The following RAMP3 variants were observed in gnomAD, a reference collection of about 807,000 sequenced individuals.
RAMP3 encodes receptor activity modifying protein 3.
Under a neutral mutation model 13.5 loss-of-function variants are expected in RAMP3, and 14 were observed. The observed-to-expected ratio is 1.04, with a 90% CI of 0.69 to 1.63. The LOEUF (loss-of-function observed/expected upper bound fraction) is 1.63. Ranked by LOEUF, RAMP3 falls within the 40% of genes most tolerant of loss-of-function variation. The probability of loss-of-function intolerance (pLI) is 0.00; values close to 1 mark genes in which losing one functional copy is unlikely to be tolerated. For synonymous variants in RAMP3, 106 were observed against 88.3 expected, an observed-to-expected ratio of 1.20 and a Z score of -1.12; for missense variants, 200 against 204.8, an observed-to-expected ratio of 0.98 and a Z score of 0.14.
intron 2 of RAMP3, among the ~76,000 whole-genome samples, chr7:45,178,262 G>T (rs1453201503): frequency 1.3e-5 from 2 of 152,138 alleles, no homozygotes; most frequent in Admixed American, 6.5e-5. Flanking sequence ...AGGTCCCCTT[G>T]TTCTAGAAGC....
rs570669410 is a variant in RAMP3, at chr7:45,166,426, C to T, written c.58+8540C>T. Among the ~76,000 whole-genome samples the T allele has an allele frequency of 1.8e-4, 28 of 152,242 alleles. No individual in the cohort carries two copies. The South Asian group carries it at 5.8e-3, about 32-fold the overall frequency. On this transcript the variant is annotated intron_variant, in intron 1 of 2. Transcript: ENST00000242249. ...CCTGATGGTTAATGATGTTGATTGTCTTTCATGTGCTTATTGATCATTTAT... is the reference window on the plus strand; with the variant it reads ...CCTGATGGTTAATGATGTTGATTGTTTTTCATGTGCTTATTGATCATTTAT...
At chr7:45,178,253 G>A (rs1584076807) in intron 2 of RAMP3, among the ~76,000 whole-genome samples, 1 of 152,136 alleles carries the variant, frequency 6.6e-6, no homozygotes, top group African/African-American at 2.4e-5. Context: ...AGTGAAGGGA[G>A]GTCCCCTTGT....
intron 2 of RAMP3, 69 bp from the exon 3 acceptor site, chr7:45,183,088 G>T (rs1463592796): frequency 3.2e-6 from 5 of 1,581,486 alleles, no homozygotes; most frequent in Non-Finnish European, 4.3e-6. Context: ...CCATCTTCCT[G>T]GCCTCAGGTC....
chr7:45,163,100 G>A (rs755352879), intron 1 of RAMP3: 191 of 931,042 alleles, frequency 2.1e-4, no homozygotes, highest in Non-Finnish European at 2.2e-4. Context: ...ATCACTTGGA[G>A]GTTTTAACAA....
chr7:45,163,219 G>A (rs1284750809), intron 1 of RAMP3: 2 of 985,306 alleles, frequency 2.0e-6, no homozygotes, highest in Non-Finnish European at 2.4e-6. Context: ...CCTATCTCTG[G>A]TGGCTGCCCT....
At position 45,183,177 on chromosome 7, in the gene RAMP3, A is replaced by T; in HGVS notation, c.212A>T (p.Asn71Ile). Residue 71 changes from asparagine (N) to isoleucine (I), a missense_variant, in exon 3 of 3, where the codon AAC becomes ATC. Physicochemically the swap from Asn to Ile is moderately radical, Grantham distance 149. Coordinates refer to ENST00000242249, the MANE Select transcript of RAMP3 (RefSeq NM_005856.3). ...TGCAGGTACTATGAGAGTTTCACCA[A>T]CTGCACCGAGATGGAGGCCAATGTC... ...EFIVYYESFT[N>I]CTEMEANVVG... The T allele has an allele frequency of 6.2e-7, 1 of 1,611,674 alleles. No individual in the cohort carries two copies. Among genetic ancestry groups the T allele is most frequent in the Non-Finnish European group, 8.5e-7 (1 of 1,179,794 alleles).
In RAMP3 at chr7:45,183,795, T is replaced by C. The variant is rs1053701789; in HGVS notation, c.*383T>C. The C allele has an allele frequency of 1.2e-5, 6 of 515,300 alleles. No individual in the cohort carries two copies. Among genetic ancestry groups the C allele is most frequent in the African/African-American group, 1.1e-4 (6 of 52,964 alleles). 31.9% of individuals were successfully genotyped at this position (515,300 alleles called of 1,614,324 possible). On this transcript the variant is annotated 3_prime_UTR_variant, in exon 3 of 3. Coordinates refer to ENST00000242249, the MANE Select transcript of RAMP3 (RefSeq NM_005856.3). The stretch of plus-strand genomic sequence containing the variant: ...CTAGCCTTAGCCGCAGTCTAGGCCC[T>C]GCTTGGACTAGGACTCCTTGCTTGA...
chr7:45,166,515 T>C (rs1785964759), intron 1 of RAMP3, among the ~76,000 whole-genome samples: 1 of 152,220 alleles, frequency 6.6e-6, no homozygotes, highest in Admixed American at 6.5e-5. Context: ...TATTTTTCCC[T>C]TTATTATGGA....
intron 1 of RAMP3, among the ~76,000 whole-genome samples, chr7:45,176,842 C>A (rs1294943): frequency 6.6e-6 from 1 of 151,976 alleles, no homozygotes; most frequent in African/African-American, 2.4e-5. Flanking sequence ...GGTCTTTGAC[C>A]GGGAGGGGTT....
chr7:45,172,836 G>T (rs1452718983), intron 1 of RAMP3, among the ~76,000 whole-genome samples: 1 of 152,176 alleles, frequency 6.6e-6, no homozygotes, highest in Non-Finnish European at 1.5e-5. Context: ...GCCTGTCCAT[G>T]ATGATCAGTT....
chr7:45,159,467 T>C (rs1785823670), intron 1 of RAMP3, among the ~76,000 whole-genome samples: 2 of 152,196 alleles, frequency 1.3e-5, no homozygotes. Flanking sequence ...CTCTGGGGCT[T>C]CTTTGAGAAT....
At chr7:45,168,228 C>T (rs905558778) in intron 1 of RAMP3, among the ~76,000 whole-genome samples, 1 of 151,758 alleles carries the variant, frequency 6.6e-6, no homozygotes. Flanking sequence ...TGGTGAAACC[C>T]CGTCTCTACT....
At chr7:45,176,121 T>C (rs1362262524) in intron 1 of RAMP3, among the ~76,000 whole-genome samples, 1 of 152,126 alleles carries the variant, frequency 6.6e-6, no homozygotes. Flanking sequence ...CAGACTAAGT[T>C]AGCCAGCTCA....
At chr7:45,163,359 T>A (rs1269105644) in intron 1 of RAMP3, 2 of 985,284 alleles carry the variant, frequency 2.0e-6, no homozygotes, top group Non-Finnish European at 2.4e-6. Flanking sequence ...CTCTTATTAC[T>A]TTTTGGTTCC....
intron 1 of RAMP3, among the ~76,000 whole-genome samples, chr7:45,169,581 A>C (rs1786039755): frequency 6.6e-6 from 1 of 152,184 alleles, no homozygotes. Flanking sequence ...AGGCTGGAAG[A>C]ACCCAGGTGC....
chr7:45,173,543 A>G (rs1473419041), intron 1 of RAMP3, among the ~76,000 whole-genome samples: 1 of 152,182 alleles, frequency 6.6e-6, no homozygotes, highest in Non-Finnish European at 1.5e-5. Context: ...GCTTCTCCCT[A>G]TGAAGGTCCC....
chr7:45,172,285 C>T (rs1480372313), intron 1 of RAMP3, among the ~76,000 whole-genome samples: 2 of 152,212 alleles, frequency 1.3e-5, no homozygotes, highest in African/African-American at 4.8e-5. Context: ...TGTGGTTGCA[C>T]CCACTGGAGT....
At chr7:45,171,174 G>C (rs117408932) in intron 1 of RAMP3, among the ~76,000 whole-genome samples, 8,925 of 137,610 alleles carry the variant, frequency 0.065, 386 homozygotes, top group East Asian at 0.17. Flanking sequence ...TTTTTTTTTC[G>C]AGACAGAGTT....
At chr7:45,163,501 G>A in intron 1 of RAMP3, 1 of 985,442 alleles carries the variant, frequency 1.0e-6, no homozygotes. Context: ...GATTGTGGAG[G>A]AAGAGGGGCA....
Sources: gnomAD v4.1 joint callset for allele counts (sites outside exome capture counted in the v4.1 genomes callset) on GRCh38, gnomAD v4.1.1 for gene constraint, MANE v1.5 for transcripts, NCBI Gene and HGNC (gene_info 2026-07-23, HGNC 2026-07-21) for gene names.